ARHGAP26: variants seen among roughly 807,000 people sequenced by gnomAD.
ARHGAP26 encodes the protein rho GTPase-activating protein 26.
In ARHGAP26, 38 loss-of-function variants were observed where a neutral mutation model predicts 104.8. That is an observed-to-expected ratio of 0.36 (90% CI 0.28 to 0.48). The LOEUF is 0.48. ARHGAP26 is among the 20% of genes least tolerant of loss of function. The pLI is 0.99. For missense variants in ARHGAP26, 704 were observed against 947.9 expected (o/e 0.74, Z 3.38); for synonymous variants, 341 against 340.0 (o/e 1.00, Z -0.03).
intron 11 of ARHGAP26, among the ~76,000 whole-genome samples, chr5:142,991,071 C>G (rs114038105): frequency 0.036 from 5,541 of 152,274 alleles, 156 homozygotes; most frequent in Middle Eastern, 0.071. Flanking sequence ...GTGGAGTCTA[C>G]AAAGGCAGGC....
chr5:142,960,817 A>G (rs912924861), intron 11 of ARHGAP26, among the ~76,000 whole-genome samples: 1 of 152,230 alleles, frequency 6.6e-6, no homozygotes, highest in Non-Finnish European at 1.5e-5. Context: ...TATGCCCAGC[A>G]TGCCAAGCTA....
At chr5:142,855,113 G>A (rs772743707) in intron 1 of ARHGAP26, among the ~76,000 whole-genome samples, 57 of 152,032 alleles carry the variant, frequency 3.7e-4, no homozygotes, top group South Asian at 8.3e-4. Context: ...ACCTGGCAGC[G>A]GTGTGTGGTT....
At chr5:142,858,414 C>G (rs987960121) in intron 1 of ARHGAP26, among the ~76,000 whole-genome samples, 9 of 152,112 alleles carry the variant, frequency 5.9e-5, no homozygotes, top group African/African-American at 1.9e-4. Flanking sequence ...GGCTTCAAGA[C>G]TAAGCCTAGG....
intron 11 of ARHGAP26, among the ~76,000 whole-genome samples, chr5:142,976,302 A>T (rs1011940272): frequency 4.6e-5 from 7 of 152,196 alleles, no homozygotes; most frequent in Non-Finnish European, 1.0e-4. Context: ...CTCTAAAGGA[A>T]ATTAAGTTTA....
At chr5:143,038,757 G>A (rs577504559) in intron 13 of ARHGAP26, among the ~76,000 whole-genome samples, 2 of 114,472 alleles carry the variant, frequency 1.7e-5, no homozygotes, top group South Asian at 6.3e-4. Context: ...GTGCAGTAAT[G>A]CAGTCTCGGT....
chr5:143,086,923 C>A (rs1381606442), intron 17 of ARHGAP26, among the ~76,000 whole-genome samples: 2 of 152,212 alleles, frequency 1.3e-5, no homozygotes, highest in East Asian at 3.9e-4. Flanking sequence ...TACCCCCTAC[C>A]TCCACTGTCT....
At chr5:143,170,249 T>C (rs767075792) in intron 20 of ARHGAP26, 2 of 152,204 alleles carry the variant, frequency 1.3e-5, no homozygotes, top group Non-Finnish European at 2.9e-5. Context: ...GTGAGAGCCA[T>C]GAACATGCAA....
At chr5:142,879,301 G>A (rs1450218344) in intron 3 of ARHGAP26, 73 bp from the exon 4 acceptor site, 2 of 1,394,102 alleles carry the variant, frequency 1.4e-6, no homozygotes, top group African/African-American at 1.4e-5. Context: ...GGCATCTCAT[G>A]CTGGAGCTGC....
rs35201189 is a variant in ARHGAP26 at position 143,087,636 on chromosome 5, C to CTTTTTTTTTTTT, written c.1538+29904_1538+29915dup. On this transcript the variant is annotated intron_variant, in intron 17 of 22. Transcript: ENST00000645722. ...CTCATCTAATTAACCCTGGCCCATT[C>CTTTTTTTTTTTT]TTTTTTTTTTTTTTTTTTTTTTTTT... Among the ~76,000 whole-genome samples the CTTTTTTTTTTTT allele has an allele frequency of 2.6e-3, 133 of 51,560 alleles. 40 individuals carry two copies. Among genetic ancestry groups the CTTTTTTTTTTTT allele is most frequent in the East Asian group, 0.021 (25 of 1,166 alleles). The allele number at this position is 51,560 out of a possible 152,430, so 33.8% of individuals were successfully genotyped here.
chr5:143,204,502 C>T lies in ARHGAP26; in HGVS notation c.1989-2696C>T, dbSNP rs375841003. Among the ~76,000 whole-genome samples, 27 of 152,230 alleles carry T rather than the reference C, an allele frequency of 1.8e-4. No homozygotes were observed. In the East Asian group the frequency reaches 4.8e-3, roughly 27 times the overall value. On this transcript the variant is annotated intron_variant, in intron 20 of 22. Coordinates refer to ENST00000645722, the MANE Select transcript of ARHGAP26 (RefSeq NM_001135608.3). ...TTGTGCCATTGCACTCCAGCCTGGG[C>T]GACAAGAGCAAAACTCCGTCTCCAG...
chr5:143,115,923 C>T (rs115907260), intron 17 of ARHGAP26, among the ~76,000 whole-genome samples: 68 of 152,254 alleles, frequency 4.5e-4, no homozygotes, highest in African/African-American at 1.6e-3. Flanking sequence ...CTTTATACCT[C>T]TATAGCAGTA....
At chr5:143,116,628 A>G (rs1795480726) in intron 17 of ARHGAP26, among the ~76,000 whole-genome samples, 2 of 152,152 alleles carry the variant, frequency 1.3e-5, no homozygotes, top group African/African-American at 2.4e-5. Flanking sequence ...GGCTACTGCT[A>G]TTCCCATCAT....
At chr5:142,980,278 CTAAT>C (rs1773727066) in intron 11 of ARHGAP26, among the ~76,000 whole-genome samples, 1 of 152,112 alleles carries the variant, frequency 6.6e-6, no homozygotes, top group Non-Finnish European at 1.5e-5. Context: ...GAACATATCA[CTAAT>C]TATTCATTCT....
At chr5:143,081,875 G>A (rs572011068) in intron 17 of ARHGAP26, among the ~76,000 whole-genome samples, 59 of 152,224 alleles carry the variant, frequency 3.9e-4, no homozygotes, top group African/African-American at 1.1e-3. Context: ...TTAGCCGGGC[G>A]TGGTGGTGGG....
intron 17 of ARHGAP26, among the ~76,000 whole-genome samples, chr5:143,097,318 C>T (rs1792484509): frequency 7.0e-6 from 1 of 142,176 alleles, no homozygotes; most frequent in Admixed American, 7.4e-5. Flanking sequence ...GTACTCTGCA[C>T]TCCAGCCTGG....
intron 11 of ARHGAP26, among the ~76,000 whole-genome samples, chr5:142,932,803 G>A (rs907547657): frequency 1.3e-5 from 2 of 152,200 alleles, no homozygotes; most frequent in Non-Finnish European, 2.9e-5. Flanking sequence ...ATTGACTATA[G>A]AACTCTTTGC....
At chr5:142,821,760 G>T (rs535662534) in intron 1 of ARHGAP26, among the ~76,000 whole-genome samples, 1 of 152,288 alleles carries the variant, frequency 6.6e-6, no homozygotes, top group South Asian at 2.1e-4. Flanking sequence ...CTCTGTGTAG[G>T]AGGAATTTTT....
At chr5:143,008,558 T>A (rs549270699) in intron 11 of ARHGAP26, among the ~76,000 whole-genome samples, 205 of 151,952 alleles carry the variant, frequency 1.3e-3, no homozygotes, top group African/African-American at 4.8e-3. Flanking sequence ...GATCATAGAG[T>A]TTGGATGTGC....
Position 143,147,315 on chromosome 5 carries a change from T to C in ARHGAP26, c.1922T>C (p.Leu641Ser). ...AGCATCCTTAATTCCAGCAGCAGCT[T>C]ACAGCCCAACATGAACTCCAGTGAC... ...PNSILNSSSSLQPNMNSSDPD... is the reference protein window; with the variant it reads ...PNSILNSSSSSQPNMNSSDPD... Residue 641 changes from leucine (L) to serine (S), a missense_variant, in exon 20 of 23, where the codon TTA becomes TCA. Leu to Ser is a moderately radical substitution (Grantham distance 145). This residue lies in a region of ARHGAP26 where 217 missense variants were observed against 242.6 expected (regional missense o/e 0.89). Coordinates refer to ENST00000645722, the MANE Select transcript of ARHGAP26 (RefSeq NM_001135608.3). 1 of 1,614,086 alleles carries C rather than the reference T, an allele frequency of 6.2e-7. No homozygotes were observed. Among genetic ancestry groups the C allele is most frequent in the Non-Finnish European group, 8.5e-7 (1 of 1,179,978 alleles).
Sources: allele counts gnomAD v4.1 joint callset (sites outside exome capture counted in the v4.1 genomes callset), GRCh38; gene constraint gnomAD v4.1.1; regional missense constraint gnomAD v4.1.1; transcripts MANE v1.5; gene names NCBI Gene and HGNC (gene_info 2026-07-23, HGNC 2026-07-21).